MPP4: variants seen among roughly 807,000 people sequenced by gnomAD.
MPP4 encodes MAGUK p55 scaffold protein 4.
MPP4 carries 91 observed loss-of-function variants against 98.3 expected under a neutral mutation model. That is an observed-to-expected ratio of 0.93 (90% confidence interval 0.78 to 1.10). MPP4 has a LOEUF of 1.10. MPP4 is among the 50% of genes least tolerant of loss of function. The pLI, the probability that MPP4 is intolerant of heterozygous loss-of-function variation, is 0.00. For missense variants in MPP4, 744 were observed against 792.9 expected (o/e 0.94, Z 0.74); for synonymous variants, 261 against 271.8 (o/e 0.96, Z 0.39).
intron 17 of MPP4, among the ~76,000 whole-genome samples, chr2:201,655,654 G>T (rs1167217760): frequency 1.3e-5 from 2 of 152,132 alleles, no homozygotes; most frequent in Admixed American, 1.3e-4. Context: ...CTGCTACAGG[G>T]ACCAACTTTG....
At chr2:201,647,559 G>C in intron 21 of MPP4, 132 bp downstream of exon 21, 1 of 835,170 alleles carries the variant, frequency 1.2e-6, no homozygotes, top group Non-Finnish European at 1.8e-6. Flanking sequence ...ATTTTATTGA[G>C]GGCCTTTTGG....
Position 201,658,531 on chromosome 2 carries a change from G to A in MPP4, c.1088-13C>T, listed in dbSNP as rs962997561. On this transcript the variant is annotated splice_polypyrimidine_tract_variant and intron_variant, in intron 15 of 21. Transcript: ENST00000409474. ...AACTCCTCCTTGTCTGAAACACAAA[G>A]AACAGATGGAGCAGAATATGTGAGA... The A allele has an allele frequency of 6.2e-7, 1 of 1,610,758 alleles. No homozygotes were observed.
At chr2:201,698,035 C>G in intron 1 of MPP4, 1 of 985,598 alleles carries the variant, frequency 1.0e-6, no homozygotes, top group Non-Finnish European at 1.2e-6. Flanking sequence ...TAAGTAAGCA[C>G]CCACCACATG....
intron 18 of MPP4, chr2:201,650,717 T>A: frequency 1.0e-6 from 1 of 985,424 alleles, no homozygotes; most frequent in Non-Finnish European, 1.2e-6. Flanking sequence ...TTTACAACAA[T>A]AGATTCTCAA....
chr2:201,659,643 C>T (rs572209198), intron 15 of MPP4, among the ~76,000 whole-genome samples: 1 of 152,132 alleles, frequency 6.6e-6, no homozygotes, highest in Admixed American at 6.5e-5. Flanking sequence ...GACCAGCCTA[C>T]CCAACATGGT....
At chr2:201,691,295 T>C (rs568976820) in intron 3 of MPP4, among the ~76,000 whole-genome samples, 4 of 152,294 alleles carry the variant, frequency 2.6e-5, no homozygotes, top group South Asian at 4.1e-4. Flanking sequence ...TAACATGCAC[T>C]ATAAGACAGA....
At chr2:201,659,244 A>G (rs992128764) in intron 15 of MPP4, among the ~76,000 whole-genome samples, 3 of 151,932 alleles carry the variant, frequency 2.0e-5, no homozygotes, top group Non-Finnish European at 2.9e-5. Flanking sequence ...CCTGTAATTA[A>G]TCTCTTTGCT....
At chr2:201,652,267 A>C (rs545861895) in intron 18 of MPP4, among the ~76,000 whole-genome samples, 1 of 151,836 alleles carries the variant, frequency 6.6e-6, no homozygotes, top group East Asian at 2.0e-4. Flanking sequence ...GAGAACAGAC[A>C]GACCAACATG....
intron 8 of MPP4, 83 bp from the exon 9 acceptor site, chr2:201,681,650 T>A: frequency 1.0e-6 from 1 of 982,526 alleles, no homozygotes; most frequent in Non-Finnish European, 1.6e-6. Flanking sequence ...TACAGTGCAA[T>A]GTATCCAGGT....
At chr2:201,676,154 C>G (rs1688502574) in intron 10 of MPP4, among the ~76,000 whole-genome samples, 1 of 152,210 alleles carries the variant, frequency 6.6e-6, no homozygotes, top group Admixed American at 6.5e-5. Flanking sequence ...GCTCCTGCCT[C>G]CAATTCCCTG....
intron 16 of MPP4, 86 bp from the exon 17 acceptor site, chr2:201,656,454 T>C (rs1341628722): frequency 7.6e-7 from 1 of 1,308,194 alleles, no homozygotes; most frequent in East Asian, 2.6e-5. Flanking sequence ...GTAGCAACCA[T>C]GATCCTAAAG....
At chr2:201,647,583 AAGG>A (rs771442371) in intron 21 of MPP4, 105 bp downstream of exon 21, 6 of 1,236,998 alleles carry the variant, frequency 4.9e-6, no homozygotes, top group Non-Finnish European at 6.7e-6. Context: ...GGGGGTCAAA[AAGG>A]AGGAGGAGGA....
chr2:201,693,527 T>G (rs930242404), intron 2 of MPP4, among the ~76,000 whole-genome samples: 1 of 152,212 alleles, frequency 6.6e-6, no homozygotes, highest in South Asian at 2.1e-4. Flanking sequence ...ATTCTCCTGA[T>G]TAAAGGGTCT....
At chr2:201,693,098 C>G in intron 2 of MPP4, 69 bp from the exon 3 acceptor site, 1 of 1,544,036 alleles carries the variant, frequency 6.5e-7, no homozygotes, top group Middle Eastern at 2.2e-4. Flanking sequence ...ACTCAGATAG[C>G]TGGGGCATGC....
chr2:201,670,395 AT>A (rs1688308784), intron 11 of MPP4, among the ~76,000 whole-genome samples: 1 of 152,206 alleles, frequency 6.6e-6, no homozygotes, highest in South Asian at 2.1e-4. Flanking sequence ...AGTTTAAAAA[AT>A]AATCATGTCT....
intron 1 of MPP4, among the ~76,000 whole-genome samples, chr2:201,694,705 C>T (rs887554684): frequency 1.4e-5 from 2 of 143,478 alleles, no homozygotes; most frequent in South Asian, 2.2e-4. Flanking sequence ...CATGCACCCT[C>T]GACCTCTTAG....
intron 2 of MPP4, among the ~76,000 whole-genome samples, 153 bp downstream of exon 2, chr2:201,693,723 G>A (rs1689102680): frequency 6.6e-6 from 1 of 152,156 alleles, no homozygotes; most frequent in Non-Finnish European, 1.5e-5. Context: ...TGTTCTTAAA[G>A]TTATCACTGG....
At chr2:201,682,762 G>A in intron 8 of MPP4, 69 bp downstream of exon 8, 1 of 1,380,344 alleles carries the variant, frequency 7.2e-7, no homozygotes, top group Non-Finnish European at 1.0e-6. Flanking sequence ...ACACACGTGG[G>A]CTTGATGGTC....
chr2:201,693,150 G>T, intron 2 of MPP4, 121 bp from the exon 3 acceptor site: 3 of 1,152,254 alleles, frequency 2.6e-6, no homozygotes, highest in Non-Finnish European at 3.6e-6. Context: ...TGGATCTCAG[G>T]CCAAAAGATC....
Sources: gnomAD v4.1 joint callset for allele counts (sites outside exome capture counted in the v4.1 genomes callset) on GRCh38, gnomAD v4.1.1 for gene constraint, MANE v1.5 for transcripts, NCBI Gene and HGNC (gene_info 2026-07-23, HGNC 2026-07-21) for gene names.